The following PDE4B variants were observed in gnomAD, a reference collection of about 807,000 sequenced individuals.
The protein encoded by PDE4B is 3',5'-cyclic-AMP phosphodiesterase 4B.
PDE4B carries 20 observed loss-of-function variants against 82.2 expected under a neutral mutation model. The observed-to-expected ratio is 0.24, with a 90% CI of 0.17 to 0.35. The LOEUF (loss-of-function observed/expected upper bound fraction) is 0.35. Among genes scored for constraint, PDE4B ranks in the 10% least tolerant of loss-of-function variants. PDE4B has a pLI of 1.00. For synonymous variants in PDE4B, 320 were observed against 318.9 expected, an observed-to-expected ratio of 1.00 and a Z score of -0.04; for missense variants, 655 against 907.2, an observed-to-expected ratio of 0.72 and a Z score of 3.57.
intron 3 of PDE4B, among the ~76,000 whole-genome samples, chr1:66,237,947 G>C (rs1652592610): frequency 1.3e-5 from 2 of 152,070 alleles, no homozygotes; most frequent in Non-Finnish European, 2.9e-5. Flanking sequence ...TGTGAGAGAG[G>C]AAGGCAATAA....
At chr1:65,826,571 A>C (rs796369364) in intron 1 of PDE4B, among the ~76,000 whole-genome samples, 9 of 152,212 alleles carry the variant, frequency 5.9e-5, no homozygotes, top group African/African-American at 2.2e-4. Context: ...AATAGTAGCC[A>C]CTCTGAGATT....
intron 1 of PDE4B, among the ~76,000 whole-genome samples, chr1:65,865,254 G>T (rs763237604): frequency 2.0e-5 from 3 of 152,214 alleles, no homozygotes; most frequent in Non-Finnish European, 2.9e-5. Context: ...GTCCCAGGTA[G>T]ACTTCAGAGT....
chr1:66,257,931 A>T (rs1427044572), intron 6 of PDE4B, 68 bp downstream of exon 6: 3 of 1,020,928 alleles, frequency 2.9e-6, no homozygotes, highest in Non-Finnish European at 3.1e-6. Context: ...AGCAGCATTT[A>T]AAAAAATACA....
chr1:66,333,761 G>A (rs180800313), intron 8 of PDE4B, among the ~76,000 whole-genome samples: 11 of 152,234 alleles, frequency 7.2e-5, no homozygotes, highest in Admixed American at 2.0e-4. Context: ...GTGTCCTCAG[G>A]AGATCCTGAA....
At chr1:66,022,902 C>T (rs187770710) in intron 3 of PDE4B, among the ~76,000 whole-genome samples, 79 of 152,204 alleles carry the variant, frequency 5.2e-4, no homozygotes, top group African/African-American at 1.8e-3. Flanking sequence ...CCTCTTTGTA[C>T]CTCTGGTGGA....
At chr1:66,290,018 A>G (rs955711482) in intron 7 of PDE4B, among the ~76,000 whole-genome samples, 5 of 152,210 alleles carry the variant, frequency 3.3e-5, no homozygotes, top group Non-Finnish European at 5.9e-5. Flanking sequence ...ATTAATGCCA[A>G]TGACTAAGTT....
At chr1:66,164,361 C>A (rs1354917966) in intron 3 of PDE4B, among the ~76,000 whole-genome samples, 1 of 151,164 alleles carries the variant, frequency 6.6e-6, no homozygotes, top group African/African-American at 2.4e-5. Flanking sequence ...ATGGTGAAAC[C>A]CCATCTCTAC....
intron 3 of PDE4B, among the ~76,000 whole-genome samples, chr1:66,011,701 G>A (rs953101728): frequency 1.8e-4 from 28 of 151,994 alleles, no homozygotes; most frequent in Non-Finnish European, 2.4e-4. Flanking sequence ...TTTTACTACA[G>A]GTGGGACAAA....
At chr1:65,913,646 C>G (rs947752554) in intron 2 of PDE4B, among the ~76,000 whole-genome samples, 1 of 152,206 alleles carries the variant, frequency 6.6e-6, no homozygotes, top group African/African-American at 2.4e-5. Flanking sequence ...ATTCCTCTTT[C>G]CACACTGCTT....
intron 3 of PDE4B, among the ~76,000 whole-genome samples, chr1:66,221,868 A>G (rs1651014242): frequency 6.7e-6 from 1 of 148,564 alleles, no homozygotes. Context: ...ATTTGAAAAG[A>G]TGAACTTCAG....
At chr1:66,050,609 T>C (rs1654972565) in intron 3 of PDE4B, 1 of 152,142 alleles carries the variant, frequency 6.6e-6, no homozygotes, top group Non-Finnish European at 1.5e-5. Context: ...CATGCTCTAC[T>C]TTAAAAGCAA....
intron 1 of PDE4B, among the ~76,000 whole-genome samples, chr1:65,852,188 G>T (rs535806690): frequency 1.3e-5 from 2 of 151,714 alleles, no homozygotes; most frequent in African/African-American, 4.8e-5. Context: ...GGTTTAATTT[G>T]TCTGGTTAGA....
At chr1:65,792,756 C>T (rs1455089748), upstream of PDE4B, 1 of 151,862 alleles carries the variant, frequency 6.6e-6, no homozygotes, top group Non-Finnish European at 1.5e-5. Context: ...TACACAGCAT[C>T]TCGTCCGTGC....
At chr1:65,975,674 T>C (rs12738832) in intron 3 of PDE4B, among the ~76,000 whole-genome samples, 25,634 of 152,152 alleles carry the variant, frequency 0.17, 2,809 homozygotes, top group Non-Finnish European at 0.24. Flanking sequence ...GTCTGTAGCC[T>C]TGGAACAAGG....
chr1:65,871,837 T>C (rs1002555337), intron 1 of PDE4B, among the ~76,000 whole-genome samples: 1 of 152,196 alleles, frequency 6.6e-6, no homozygotes, highest in Non-Finnish European at 1.5e-5. Flanking sequence ...TGAAATTCTA[T>C]CTCTAGATGT....
intron 7 of PDE4B, among the ~76,000 whole-genome samples, chr1:66,312,965 C>T (rs1262155078): frequency 6.6e-6 from 1 of 152,208 alleles, no homozygotes. Context: ...GAACATCACT[C>T]ACAACCTTGT....
chr1:66,166,085 G>A (rs1303431448), intron 3 of PDE4B, among the ~76,000 whole-genome samples: 1 of 152,188 alleles, frequency 6.6e-6, no homozygotes, highest in Non-Finnish European at 1.5e-5. Flanking sequence ...ATAAATCTAT[G>A]CCTGTATAAT....
chr1:65,891,012 A>G (rs1235368614), intron 1 of PDE4B, among the ~76,000 whole-genome samples: 2 of 152,092 alleles, frequency 1.3e-5, no homozygotes, highest in Non-Finnish European at 2.9e-5. Context: ...CAGTTGTTTC[A>G]TAGGTGAAAT....
At chr1:66,170,861 A>G (rs1646824277) in intron 3 of PDE4B, among the ~76,000 whole-genome samples, 1 of 152,192 alleles carries the variant, frequency 6.6e-6, no homozygotes. Context: ...CTTTTGTAAT[A>G]TTATAGTACC....
Sources: gnomAD v4.1 joint callset for allele counts (sites outside exome capture counted in the v4.1 genomes callset) on GRCh38, gnomAD v4.1.1 for gene constraint, MANE v1.5 for transcripts, NCBI Gene and HGNC (gene_info 2026-07-23, HGNC 2026-07-21) for gene names.